TTC23: variants seen among roughly 807,000 people sequenced by gnomAD.
TTC23 encodes tetratricopeptide repeat protein 23.
TTC23 carries 58 observed loss-of-function variants against 55.1 expected under a neutral mutation model. The ratio of observed to expected loss-of-function variants is 1.05; its 90% confidence interval spans 0.85 to 1.31. The LOEUF is 1.31. Among genes scored for constraint, TTC23 ranks in the 50% most tolerant of loss-of-function variants. The pLI is 0.00. For missense variants in TTC23, 516 were observed against 534.4 expected (o/e 0.97, Z 0.34); for synonymous variants, 203 against 199.9 (o/e 1.02, Z -0.13).
Position 99,241,862 on chromosome 15 carries a change from C to T in TTC23, c.-308-303G>A, listed in dbSNP as rs146103434. Among the ~76,000 whole-genome samples the T allele has an allele frequency of 2.5e-3, 386 of 152,242 alleles. 2 individuals carry two copies. The highest frequency in any genetic ancestry group is 8.8e-3 in the African/African-American group (365 of 41,568). ...AATAAAAAACCTCATCAATCAGGGA[C>T]GGTGGCTCATGCCTGTAATATCAGC... On this transcript the variant is annotated intron_variant, in intron 2 of 13. Coordinates refer to ENST00000394132, the MANE Select transcript of TTC23 (RefSeq NM_001288615.3).
intron 12 of TTC23, among the ~76,000 whole-genome samples, chr15:99,149,109 C>T (rs2069361079): frequency 6.6e-6 from 1 of 152,198 alleles, no homozygotes; most frequent in Non-Finnish European, 1.5e-5. Flanking sequence ...CTAGGAACTG[C>T]TGGCTTCACA....
chr15:99,182,989 C>A lies in TTC23; in HGVS notation c.760-7834G>T, dbSNP rs572598190. On this transcript the variant is annotated intron_variant, in intron 9 of 13. Transcript: ENST00000394132. The stretch of plus-strand genomic sequence containing the variant: ...CAGAATGGGGCATTGCTATAAGATA[C>A]CAGAGAATGTGGAAGTGACTTTGGA... Among the ~76,000 whole-genome samples the A allele has an allele frequency of 2.1e-4, 32 of 152,116 alleles. No homozygotes were observed. In the South Asian group the frequency reaches 6.7e-3, roughly 32 times the overall value.
At position 99,138,918 on chromosome 15, in the gene TTC23, C is replaced by T. The variant is rs536445995; in HGVS notation, c.1226+399G>A. ...GGCCTCTGCTCGGGCTGAGAAAGGA[C>T]GTAGGGGCCAGCCTTTAAGGTCAGT... On this transcript the variant is annotated intron_variant, in intron 13 of 13. Coordinates refer to ENST00000394132, the MANE Select transcript of TTC23 (RefSeq NM_001288615.3). Among the ~76,000 whole-genome samples, 60 of 152,296 alleles carry T rather than the reference C, an allele frequency of 3.9e-4. 1 individual carries two copies. The highest frequency in any genetic ancestry group is 1.3e-3 in the Admixed American group (20 of 15,304).
At chr15:99,176,865 T>C (rs900151558) in intron 9 of TTC23, among the ~76,000 whole-genome samples, 1 of 152,184 alleles carries the variant, frequency 6.6e-6, no homozygotes, top group African/African-American at 2.4e-5. Context: ...CTTCAAATTC[T>C]GCTATCTCTA....
chr15:99,193,720 A>T (rs2075445789), intron 9 of TTC23, among the ~76,000 whole-genome samples: 1 of 152,114 alleles, frequency 6.6e-6, no homozygotes, highest in African/African-American at 2.4e-5. Flanking sequence ...AAAGTTTTAA[A>T]GTTTGTACTG....
Position 99,212,505 on chromosome 15 carries a change from T to C in TTC23, c.581+6083A>G, listed in dbSNP as rs545945511. On this transcript the variant is annotated intron_variant, in intron 8 of 13. Coordinates refer to ENST00000394132, the MANE Select transcript of TTC23 (RefSeq NM_001288615.3). ...CTCTCCAAAGTTAACAAACCATTAC[T>C]GTACGAAGTAGCACCGGAACAGAGG... Among the ~76,000 whole-genome samples the C allele has an allele frequency of 3.3e-5, 5 of 152,312 alleles. 2 individuals carry two copies. The South Asian group carries it at 8.3e-4, about 25-fold the overall frequency.
At chr15:99,145,278 G>T in intron 12 of TTC23, 1 of 152,214 alleles carries the variant, frequency 6.6e-6, no homozygotes, top group Non-Finnish European at 1.5e-5. Flanking sequence ...AGTGGAGAAT[G>T]GGCAGAAGTG....
intron 5 of TTC23, among the ~76,000 whole-genome samples, chr15:99,224,891 G>C (rs559583964): frequency 6.6e-6 from 1 of 152,296 alleles, no homozygotes; most frequent in South Asian, 2.1e-4. Context: ...GCATCTTCAT[G>C]TGTTAACTGG....
intron 10 of TTC23, among the ~76,000 whole-genome samples, chr15:99,166,044 G>T (rs568669057): frequency 6.6e-6 from 1 of 152,140 alleles, no homozygotes; most frequent in East Asian, 1.9e-4. Context: ...TTGTGCTTGC[G>T]GTGAAGACCT....
chr15:99,231,555 C>T lies in TTC23; in HGVS notation c.-20-2823G>A, dbSNP rs145306314. Among the ~76,000 whole-genome samples the T allele has an allele frequency of 1.9e-3, 294 of 151,588 alleles. 2 individuals carry two copies. The highest frequency in any genetic ancestry group is 6.2e-3 in the African/African-American group (254 of 41,282). Reference sequence around the variant, plus strand: ...TGCCCAGGCTGGAGTGCAGTTGGCACGATCTCGGCTCACTGCAAGCTCCGC... The same window carrying T: ...TGCCCAGGCTGGAGTGCAGTTGGCATGATCTCGGCTCACTGCAAGCTCCGC... On this transcript the variant is annotated intron_variant, in intron 4 of 13. Coordinates refer to ENST00000394132, the MANE Select transcript of TTC23 (RefSeq NM_001288615.3).
chr15:99,203,704 C>CTT (rs202065357), intron 8 of TTC23, among the ~76,000 whole-genome samples: 1 of 148,922 alleles, frequency 6.7e-6, no homozygotes, highest in African/African-American at 2.5e-5. Context: ...TTTTTTCTTT[C>CTT]TTTTTTTTTT....
chr15:99,146,112 G>C (rs1596228536), intron 12 of TTC23, among the ~76,000 whole-genome samples: 1 of 152,178 alleles, frequency 6.6e-6, no homozygotes, highest in African/African-American at 2.4e-5. Context: ...TACTGGAGCA[G>C]GTACCACCAT....
At chr15:99,200,636 C>T (rs1191356467) in intron 8 of TTC23, among the ~76,000 whole-genome samples, 1 of 152,114 alleles carries the variant, frequency 6.6e-6, no homozygotes, top group Non-Finnish European at 1.5e-5. Flanking sequence ...ATAGTTTGGG[C>T]ATAAACTTTT....
intron 12 of TTC23, among the ~76,000 whole-genome samples, chr15:99,146,936 A>G (rs528489555): frequency 2.0e-5 from 3 of 152,230 alleles, no homozygotes; most frequent in South Asian, 2.1e-4. Context: ...GTTTTTTGAG[A>G]CGGAGTCTCG....
At chr15:99,165,795 G>T (rs2071992899) in intron 10 of TTC23, among the ~76,000 whole-genome samples, 1 of 152,130 alleles carries the variant, frequency 6.6e-6, no homozygotes, top group Admixed American at 6.5e-5. Context: ...TGGCTACTTT[G>T]ATAATCTAAT....
chr15:99,221,337 T>G (rs1428372131), intron 6 of TTC23, among the ~76,000 whole-genome samples: 1 of 152,178 alleles, frequency 6.6e-6, no homozygotes, highest in African/African-American at 2.4e-5. Flanking sequence ...TTATGCCAAT[T>G]TGGGTTAGTC....
intron 2 of TTC23, among the ~76,000 whole-genome samples, chr15:99,245,136 T>C (rs953028614): frequency 6.6e-6 from 1 of 152,200 alleles, no homozygotes; most frequent in African/African-American, 2.4e-5. Context: ...CAAATGTATA[T>C]AATTTTTAGT....
At chr15:99,222,794 G>A (rs560758293) in intron 5 of TTC23, among the ~76,000 whole-genome samples, 20 of 152,144 alleles carry the variant, frequency 1.3e-4, no homozygotes, top group Admixed American at 1.1e-3. Context: ...TCAAGAGATC[G>A]AGACCATCCT....
At chr15:99,218,437 C>T in intron 8 of TTC23, 151 bp downstream of exon 8, 1 of 1,007,714 alleles carries the variant, frequency 9.9e-7, no homozygotes, top group Non-Finnish European at 1.5e-6. Flanking sequence ...GCTGCTCTGA[C>T]ATGACTGTGT....
Sources: gnomAD v4.1 joint callset for allele counts (sites outside exome capture counted in the v4.1 genomes callset) on GRCh38, gnomAD v4.1.1 for gene constraint, MANE v1.5 for transcripts, NCBI Gene and HGNC (gene_info 2026-07-23, HGNC 2026-07-21) for gene names.